MICU1: variants seen among roughly 807,000 people sequenced by gnomAD.
MICU1 encodes mitochondrial calcium uptake 1, also known as calcium uptake protein 1, mitochondrial.
MICU1 carries 45 observed loss-of-function variants against 56.8 expected under a neutral mutation model. The observed-to-expected ratio is 0.79, with a 90% CI of 0.62 to 1.02. The LOEUF is 1.02. Among genes scored for constraint, MICU1 ranks in the 50% least tolerant of loss-of-function variants. The probability of loss-of-function intolerance (pLI) is 0.00; values close to 1 mark genes in which losing one functional copy is unlikely to be tolerated. For missense variants in MICU1, 504 were observed against 587.1 expected, an observed-to-expected ratio of 0.86 and a Z score of 1.46; for synonymous variants, 186 against 195.1, an observed-to-expected ratio of 0.95 and a Z score of 0.39.
At chr10:72,525,186 G>A (rs112953627) in intron 5 of MICU1, among the ~76,000 whole-genome samples, 23 of 31,740 alleles carry the variant, frequency 7.2e-4, no homozygotes, top group African/African-American at 1.9e-3. Flanking sequence ...CTGAAGGCTG[G>A]CATTTGGACA....
intron 8 of MICU1, chr10:72,472,942 A>G (rs942984210): frequency 1.3e-5 from 2 of 152,242 alleles, no homozygotes; most frequent in African/African-American, 2.4e-5. Context: ...TGTACTAAAA[A>G]CACAAAAATT....
intron 8 of MICU1, among the ~76,000 whole-genome samples, chr10:72,470,287 A>C (rs1471199549): frequency 6.6e-6 from 1 of 152,232 alleles, no homozygotes; most frequent in Non-Finnish European, 1.5e-5. Context: ...TTGGGAAGAC[A>C]CAGTACTGAC....
intron 8 of MICU1, among the ~76,000 whole-genome samples, chr10:72,436,924 G>C (rs1864746677): frequency 1.3e-5 from 2 of 152,184 alleles, no homozygotes; most frequent in African/African-American, 2.4e-5. Context: ...CGTTTGTCTG[G>C]TGTACCTAAA....
At chr10:72,426,262 C>T (rs1018810970) in intron 8 of MICU1, among the ~76,000 whole-genome samples, 9 of 152,266 alleles carry the variant, frequency 5.9e-5, no homozygotes, top group East Asian at 1.9e-4. Context: ...TCAGGTGATC[C>T]GCCTGCCTTG....
chr10:72,498,467 T>A (rs902833607), intron 6 of MICU1, among the ~76,000 whole-genome samples: 1 of 152,092 alleles, frequency 6.6e-6, no homozygotes, highest in Non-Finnish European at 1.5e-5. Context: ...GTGCCTGTAG[T>A]CCCAGCTACT....
At chr10:72,566,306 A>T (rs1452413884) in intron 2 of MICU1, among the ~76,000 whole-genome samples, 1 of 152,122 alleles carries the variant, frequency 6.6e-6, no homozygotes, top group Non-Finnish European at 1.5e-5. Flanking sequence ...TTGGGCTCCC[A>T]AAGTGCTGGG....
rs1864587026 is a variant in MICU1, at chr10:72,432,883, T to TTATGTCTGTTTTATGTCTGTTTTA, written c.934-9513_934-9512insTAAAACAGACATAAAACAGACATA. Among the ~76,000 whole-genome samples the TTATGTCTGTTTTATGTCTGTTTTA allele has an allele frequency of 5.3e-5, 8 of 152,314 alleles. No individual in the cohort carries two copies. The South Asian group carries it at 1.7e-3, about 32-fold the overall frequency. On this transcript the variant is annotated intron_variant, in intron 8 of 11. Transcript: ENST00000361114. ...AGTTTGCCCATCTGTTAATTTTGTT[T>TTATGTCTGTTTTATGTCTGTTTTA]AGGTCTGTTTTATGTGTGGAAATTT...
At chr10:72,502,284 A>G (rs1287151345) in intron 6 of MICU1, among the ~76,000 whole-genome samples, 1 of 151,534 alleles carries the variant, frequency 6.6e-6, no homozygotes, top group Non-Finnish European at 1.5e-5. Context: ...CCTCCTGAGT[A>G]GCTGGGACTA....
intron 1 of MICU1, among the ~76,000 whole-genome samples, chr10:72,597,472 C>T (rs1255747745): frequency 1.3e-5 from 2 of 152,118 alleles, no homozygotes; most frequent in Non-Finnish European, 2.9e-5. Context: ...CTGAGTATCC[C>T]TCATCTGAAA....
At chr10:72,499,739 C>T (rs1371029157) in intron 6 of MICU1, among the ~76,000 whole-genome samples, 1 of 152,100 alleles carries the variant, frequency 6.6e-6, no homozygotes, top group East Asian at 1.9e-4. Context: ...GTTGATACAT[C>T]TCATCTGTTA....
chr10:72,503,297 G>A (rs1405019238), intron 6 of MICU1, among the ~76,000 whole-genome samples: 1 of 152,146 alleles, frequency 6.6e-6, no homozygotes. Flanking sequence ...GAAGAAAACT[G>A]CATCAAGGCA....
In MICU1 at chr10:72,375,891, G is replaced by A; in HGVS notation, c.1181-19C>T. On this transcript the variant is annotated intron_variant, in intron 10 of 11. Coordinates refer to ENST00000361114, the MANE Select transcript of MICU1 (RefSeq NM_001195518.2). The stretch of plus-strand genomic sequence containing the variant: ...ATGGTCACTGAAAAAAGAAAGAGGT[G>A]CATTAGCACAGCAGAGGGATTTTCA... 6.2e-7 allele frequency: 1 copy of A among 1,604,624 alleles called. No homozygotes were observed. The highest frequency in any genetic ancestry group is 1.1e-5 in the South Asian group (1 of 89,892).
intron 10 of MICU1, among the ~76,000 whole-genome samples, chr10:72,394,970 G>A (rs1361129229): frequency 6.6e-6 from 1 of 151,930 alleles, no homozygotes; most frequent in African/African-American, 2.4e-5. Flanking sequence ...CACGAGGTCA[G>A]GAGATTGAGA....
rs199875449 is a variant in MICU1 at position 72,573,473 on chromosome 10, A to G, written c.-1-6679T>C. On this transcript the variant is annotated intron_variant, in intron 1 of 11. Transcript: ENST00000361114. The stretch of plus-strand genomic sequence containing the variant: ...GTAGTGGTGCTGGTGGGAGTTGGAA[A>G]TAAGATAACATACAGAGAGATTTTT... Among the ~76,000 whole-genome samples, 691 of 152,298 alleles carry G rather than the reference A, an allele frequency of 4.5e-3. 1 individual carries two copies. The highest frequency in any genetic ancestry group is 7.4e-3 in the Non-Finnish European group (501 of 68,042).
intron 7 of MICU1, among the ~76,000 whole-genome samples, chr10:72,476,948 C>A (rs780734341): frequency 1.3e-5 from 2 of 152,128 alleles, no homozygotes; most frequent in Non-Finnish European, 2.9e-5. Flanking sequence ...TCGGAGCAAC[C>A]GTGACCTTAA....
intron 6 of MICU1, among the ~76,000 whole-genome samples, chr10:72,482,983 GT>G (rs1228868726): frequency 6.6e-6 from 1 of 151,964 alleles, no homozygotes; most frequent in East Asian, 1.9e-4. Flanking sequence ...AGCCTCCTGA[GT>G]AGCTGGGATT....
chr10:72,592,247 T>C (rs1478969614), intron 1 of MICU1, among the ~76,000 whole-genome samples: 5 of 151,872 alleles, frequency 3.3e-5, no homozygotes, highest in African/African-American at 4.8e-5. Flanking sequence ...GACCTCGTGA[T>C]CTGCCTGCCA....
chr10:72,375,452 C>T (rs1390998821), intron 11 of MICU1, among the ~76,000 whole-genome samples: 1 of 152,196 alleles, frequency 6.6e-6, no homozygotes, highest in African/African-American at 2.4e-5. Flanking sequence ...TCTAAAGACA[C>T]TCAGATACCT....
At chr10:72,604,555 G>A (rs1435558614) in intron 1 of MICU1, among the ~76,000 whole-genome samples, 2 of 150,784 alleles carry the variant, frequency 1.3e-5, no homozygotes, top group Non-Finnish European at 2.9e-5. Context: ...TTACAGGCAT[G>A]AGCCAGCGTG....
Sources: gnomAD v4.1 joint callset for allele counts (sites outside exome capture counted in the v4.1 genomes callset) on GRCh38, gnomAD v4.1.1 for gene constraint, MANE v1.5 for transcripts, NCBI Gene and HGNC (gene_info 2026-07-23, HGNC 2026-07-21) for gene names.